OSBPL8: variants seen among roughly 807,000 people sequenced by gnomAD.
OSBPL8 encodes oxysterol binding protein like 8.
A neutral mutation model predicts 125.5 loss-of-function variants in OSBPL8; 59 were observed. That is an observed-to-expected ratio of 0.47 (90% CI 0.38 to 0.58). The LOEUF (loss-of-function observed/expected upper bound fraction) is 0.58, where lower values mean the gene tolerates loss of function less well. Ranked by LOEUF, OSBPL8 falls within the 20% of genes least tolerant of loss-of-function variation. The probability of loss-of-function intolerance (pLI) is 0.00; values close to 1 mark genes in which losing one functional copy is unlikely to be tolerated. For missense variants in OSBPL8, 758 were observed against 1,047.8 expected, an observed-to-expected ratio of 0.72 and a Z score of 3.82; for synonymous variants, 330 against 338.9, an observed-to-expected ratio of 0.97 and a Z score of 0.29.
intron 16 of OSBPL8, 132 bp downstream of exon 16, chr12:76,378,320 C>G (rs1189675059): frequency 1.6e-6 from 1 of 620,314 alleles, no homozygotes; most frequent in African/African-American, 1.8e-5. Context: ...TCTTAAATAT[C>G]TGTAATCCAA....
At chr12:76,383,903 T>G (rs1344603889) in intron 15 of OSBPL8, among the ~76,000 whole-genome samples, 1 of 152,152 alleles carries the variant, frequency 6.6e-6, no homozygotes, top group Non-Finnish European at 1.5e-5. Context: ...ATTCTTCCTC[T>G]CTGTTCAAAG....
intron 4 of OSBPL8, among the ~76,000 whole-genome samples, chr12:76,438,829 T>C (rs759587514): frequency 3.3e-5 from 5 of 152,204 alleles, no homozygotes; most frequent in Admixed American, 6.5e-5. Context: ...CTGATGTGAG[T>C]ACAATGTTTA....
chr12:76,533,207 C>G (rs530796099), intron 1 of OSBPL8, among the ~76,000 whole-genome samples: 1 of 152,144 alleles, frequency 6.6e-6, no homozygotes, highest in South Asian at 2.1e-4. Flanking sequence ...GTGTTTCTTG[C>G]TAGGTTTTTA....
At position 76,411,118 on chromosome 12, in the gene OSBPL8, G is replaced by GT. The variant is rs1379329140; in HGVS notation, c.218-485dup. ...ATACATACAAAGCACTTAGCATAGT[G>GT]TTTTTGCACATAGCATACATTCAAT... On this transcript the variant is annotated intron_variant, in intron 4 of 23. Transcript: ENST00000261183. 3.9e-5 allele frequency among the ~76,000 whole-genome samples: 6 copies of GT among 152,288 alleles called. No homozygotes were observed. In the East Asian group the frequency reaches 1.2e-3, roughly 29 times the overall value.
chr12:76,444,588 T>A (rs79731988), intron 4 of OSBPL8, among the ~76,000 whole-genome samples: 1,914 of 152,242 alleles, frequency 0.013, 26 homozygotes, highest in Non-Finnish European at 0.015. Context: ...AAACACAAGA[T>A]GAAACTGGAA....
At chr12:76,534,145 T>C (rs896065320) in intron 1 of OSBPL8, 1 of 152,174 alleles carries the variant, frequency 6.6e-6, no homozygotes, top group Non-Finnish European at 1.5e-5. Flanking sequence ...AGAAACAAAA[T>C]TAAATGCAAT....
intron 1 of OSBPL8, among the ~76,000 whole-genome samples, chr12:76,540,487 C>CGTGTGTGTGTGT (rs59101769): frequency 1.4e-5 from 2 of 141,658 alleles, no homozygotes; most frequent in African/African-American, 5.2e-5. Context: ...ATTATATAGT[C>CGTGTGTGTGTGT]GTGTGTGTGT....
intron 4 of OSBPL8, among the ~76,000 whole-genome samples, chr12:76,444,400 C>T (rs950778277): frequency 3.9e-5 from 6 of 152,074 alleles, no homozygotes; most frequent in Admixed American, 1.3e-4. Flanking sequence ...AACAGTATCA[C>T]CTAAGAAAGC....
intron 12 of OSBPL8, among the ~76,000 whole-genome samples, chr12:76,389,385 G>A (rs941870305): frequency 1.3e-5 from 2 of 150,966 alleles, no homozygotes; most frequent in Admixed American, 6.6e-5. Flanking sequence ...AGCCTATAAC[G>A]GCAGTGTTGT....
chr12:76,445,360 T>C (rs1383994545), intron 4 of OSBPL8, among the ~76,000 whole-genome samples: 3 of 152,070 alleles, frequency 2.0e-5, no homozygotes, highest in African/African-American at 4.8e-5. Context: ...GTTTGAATCA[T>C]AGGAAAAACT....
intron 2 of OSBPL8, among the ~76,000 whole-genome samples, chr12:76,481,462 T>C (rs926778761): frequency 7.2e-5 from 11 of 151,964 alleles, no homozygotes; most frequent in African/African-American, 2.2e-4. Flanking sequence ...CCTGCGTCTA[T>C]TAAAAAAAAA....
chr12:76,465,432 C>T (rs1033412091), intron 2 of OSBPL8, among the ~76,000 whole-genome samples: 14 of 151,912 alleles, frequency 9.2e-5, no homozygotes, highest in Non-Finnish European at 1.6e-4. Flanking sequence ...TGGTGGCGGG[C>T]GCCTATAGTC....
intron 1 of OSBPL8, among the ~76,000 whole-genome samples, chr12:76,540,487 CGTGTGTGTGTGTGT>C (rs59101769): frequency 2.5e-4 from 35 of 141,742 alleles, no homozygotes; most frequent in Non-Finnish European, 3.8e-4. Context: ...ATTATATAGT[CGTGTGTGTGTGTGT>C]GTGTGTGTGT....
intron 4 of OSBPL8, among the ~76,000 whole-genome samples, chr12:76,424,476 T>TA (rs1290770690): frequency 2.6e-5 from 4 of 152,208 alleles, no homozygotes; most frequent in Admixed American, 2.6e-4. Context: ...TGTACATTAT[T>TA]ATTAACTGTA....
At chr12:76,375,618 C>T (rs1952788352) in intron 16 of OSBPL8, among the ~76,000 whole-genome samples, 1 of 152,020 alleles carries the variant, frequency 6.6e-6, no homozygotes, top group South Asian at 2.1e-4. Context: ...TCAATACCCA[C>T]AGTACTTCTG....
intron 4 of OSBPL8, among the ~76,000 whole-genome samples, chr12:76,432,438 G>C (rs531000618): frequency 6.6e-6 from 1 of 152,004 alleles, no homozygotes. Flanking sequence ...AAAATTAGCC[G>C]GGTGTGGTGG....
At chr12:76,405,507 G>A (rs1025370614) in intron 5 of OSBPL8, among the ~76,000 whole-genome samples, 7 of 152,030 alleles carry the variant, frequency 4.6e-5, no homozygotes, top group Non-Finnish European at 7.4e-5. Context: ...ATAAGCTCTA[G>A]CGTGGTTATT....
intron 4 of OSBPL8, among the ~76,000 whole-genome samples, chr12:76,428,567 A>C (rs1278682874): frequency 6.6e-6 from 1 of 152,148 alleles, no homozygotes; most frequent in Non-Finnish European, 1.5e-5. Context: ...CTTGAATCTC[A>C]AGATAATAAA....
At position 76,355,031 on chromosome 12, in the gene OSBPL8, G is replaced by T. The variant is rs1373895623; in HGVS notation, c.*858C>A. The stretch of plus-strand genomic sequence containing the variant: ...AACATAAATTATCAGCACTTCAAAT[G>T]CTCTATAAACATCTCTAGAATTTGG... On this transcript the variant is annotated 3_prime_UTR_variant, in exon 24 of 24. Transcript: ENST00000261183. The T allele has an allele frequency of 6.6e-6, 1 of 152,326 alleles. No homozygotes were observed. The highest frequency in any genetic ancestry group is 1.5e-5 in the Non-Finnish European group (1 of 67,866). 9.4% of individuals were successfully genotyped at this position (152,326 alleles called of 1,614,324 possible). A position where few individuals can be genotyped will look rare whatever the true frequency, so the allele number is the denominator to read the frequency against.
Sources: allele counts gnomAD v4.1 joint callset (sites outside exome capture counted in the v4.1 genomes callset), GRCh38; gene constraint gnomAD v4.1.1; transcripts MANE v1.5; gene names NCBI Gene and HGNC (gene_info 2026-07-23, HGNC 2026-07-21).